The following VWA3B variants were observed in gnomAD, a reference collection of about 807,000 sequenced individuals.
VWA3B encodes the protein von Willebrand factor A domain containing 3B.
VWA3B carries 138 observed loss-of-function variants against 158.3 expected under a neutral mutation model. The observed-to-expected ratio is 0.87, with a 90% confidence interval of 0.76 to 1.00. The LOEUF (loss-of-function observed/expected upper bound fraction) is 1.00, where lower values mean the gene tolerates loss of function less well. Ranked by LOEUF, VWA3B falls within the 50% of genes least tolerant of loss-of-function variation. VWA3B has a pLI of 0.00. For synonymous variants in VWA3B, 596 were observed against 587.3 expected, an observed-to-expected ratio of 1.01 and a Z score of -0.21; for missense variants, 1,555 against 1,565.1, an observed-to-expected ratio of 0.99 and a Z score of 0.11.
chr2:98,181,569 C>T (rs1228127233), intron 9 of VWA3B, among the ~76,000 whole-genome samples: 1 of 152,168 alleles, frequency 6.6e-6, no homozygotes, highest in Non-Finnish European at 1.5e-5. Context: ...TGAGTATGCC[C>T]AGCGCAGCAG....
intron 1 of VWA3B, 118 bp downstream of exon 1, chr2:98,087,481 T>C (rs1681944814): frequency 6.6e-6 from 1 of 152,208 alleles, no homozygotes; most frequent in Admixed American, 6.5e-5. Context: ...ACGCCCACTT[T>C]ACAGATGCGG....
At chr2:98,234,851 T>G in intron 17 of VWA3B, 84 bp downstream of exon 17, 1 of 1,564,514 alleles carries the variant, frequency 6.4e-7, no homozygotes, top group Non-Finnish European at 8.7e-7. Context: ...GTAGATATGT[T>G]GGGGAAATCA....
intron 22 of VWA3B, among the ~76,000 whole-genome samples, chr2:98,284,865 C>G (rs1689073871): frequency 6.6e-6 from 1 of 152,062 alleles, no homozygotes; most frequent in African/African-American, 2.4e-5. Context: ...GGAAAATCCC[C>G]AGTTTCGGCA....
chr2:98,232,795 TG>T (rs140842669), intron 16 of VWA3B, among the ~76,000 whole-genome samples: 4,617 of 152,242 alleles, frequency 0.03, 101 homozygotes, highest in Middle Eastern at 0.068. Context: ...ATGGTGTTTC[TG>T]GGGCTCCTAC....
chr2:98,140,241 G>A (rs1161972016), intron 7 of VWA3B, among the ~76,000 whole-genome samples: 8 of 152,186 alleles, frequency 5.3e-5, no homozygotes, highest in East Asian at 1.9e-4. Context: ...CACCAATTCC[G>A]GACACAACCG....
At chr2:98,220,141 G>C (rs1252165045) in intron 14 of VWA3B, among the ~76,000 whole-genome samples, 1 of 147,798 alleles carries the variant, frequency 6.8e-6, no homozygotes, top group East Asian at 2.0e-4. Flanking sequence ...TCCAGCCTGG[G>C]TGACAGAGTG....
chr2:98,206,531 G>C, intron 12 of VWA3B: 1 of 500,960 alleles, frequency 2.0e-6, no homozygotes, highest in Non-Finnish European at 4.0e-6. Context: ...CCTGGATTCT[G>C]GTGCACCAAT....
intron 7 of VWA3B, among the ~76,000 whole-genome samples, chr2:98,149,204 G>A (rs1434959855): frequency 1.3e-5 from 2 of 152,188 alleles, no homozygotes; most frequent in Non-Finnish European, 1.5e-5. Context: ...GCTTTTTGGT[G>A]TATTAAAGCC....
At chr2:98,102,353 C>T (rs373989064) in intron 2 of VWA3B, among the ~76,000 whole-genome samples, 284 of 152,256 alleles carry the variant, frequency 1.9e-3, no homozygotes, top group Non-Finnish European at 3.2e-3. Flanking sequence ...AAACCGCCAT[C>T]GTCATCATGG....
intron 26 of VWA3B, among the ~76,000 whole-genome samples, chr2:98,304,286 A>C (rs910534379): frequency 6.6e-6 from 1 of 152,118 alleles, no homozygotes; most frequent in African/African-American, 2.4e-5. Flanking sequence ...TGTAAGGTAG[A>C]CTAAAGCCAA....
rs187682730 is a variant in VWA3B, at chr2:98,113,983, T to C, written c.197-1669T>C. 2.6e-3 allele frequency among the ~76,000 whole-genome samples: 392 copies of C among 152,336 alleles called. 1 individual carries two copies. The highest frequency in any genetic ancestry group is 9.1e-3 in the African/African-American group (378 of 41,568). ...CTGGACTCAAACTCCAAACTCTCTC[T>C]TTCCTGCTAAATACATACAAATAAC... is the stretch of plus-strand genomic sequence containing the variant. On this transcript the variant is annotated intron_variant, in intron 2 of 27. Transcript: ENST00000477737.
chr2:98,318,943 A>G, the VWA3B span, among the ~76,000 whole-genome samples: 1 of 152,236 alleles, frequency 6.6e-6, no homozygotes, highest in African/African-American at 2.4e-5. Context: ...GGCCCTGTGG[A>G]ACCCATGGAT....
At position 98,140,547 on chromosome 2, in the gene VWA3B, C is replaced by T. The variant is rs148327402; in HGVS notation, c.988+6608C>T. ...GGAGGTGGGTGTTCCGTTAAGGAGG[C>T]AGCACCTTCCCTCCCATACTTCTCT... On this transcript the variant is annotated intron_variant, in intron 7 of 27. Coordinates refer to ENST00000477737, the MANE Select transcript of VWA3B (RefSeq NM_144992.5). Among the ~76,000 whole-genome samples the T allele has an allele frequency of 1.2e-4, 19 of 152,326 alleles. No homozygotes were observed. The East Asian group carries it at 3.7e-3, about 30-fold the overall frequency.
At chr2:98,168,645 A>G (rs1249299642) in intron 8 of VWA3B, among the ~76,000 whole-genome samples, 2 of 152,194 alleles carry the variant, frequency 1.3e-5, no homozygotes, top group Non-Finnish European at 2.9e-5. Flanking sequence ...AAAAAGACAC[A>G]TACTGAACTT....
At chr2:98,169,673 G>T (rs1342393084) in intron 8 of VWA3B, among the ~76,000 whole-genome samples, 1 of 151,636 alleles carries the variant, frequency 6.6e-6, no homozygotes, top group Non-Finnish European at 1.5e-5. Context: ...CTCCTCTGGC[G>T]CTGAGCTGTT....
Position 98,217,907 on chromosome 2 carries a change from C to A in VWA3B, c.1898C>A (p.Ser633Tyr), listed in dbSNP as rs772771005. 16 of 1,613,116 alleles carry A rather than the reference C, an allele frequency of 9.9e-6. No individual in the cohort carries two copies. The highest frequency in any genetic ancestry group is 1.3e-5 in the Non-Finnish European group (15 of 1,179,566). The change falls in exon 14 of 28, where the codon TCC becomes TAC. Residue 633 changes from serine to tyrosine, a missense_variant. Physicochemically the swap from Ser to Tyr is moderately radical, Grantham distance 144 (BLOSUM62 -2). Transcript: ENST00000477737. ...CAGGAAATTCCTATTTATACCATCT[C>A]CTTCAATTACAATGATGAGATTGCA... ...RFQEIPIYTI[S>Y]FNYNDEIANR...
intron 11 of VWA3B, 88 bp from the exon 12 acceptor site, chr2:98,194,273 A>T: frequency 7.3e-7 from 1 of 1,370,420 alleles, no homozygotes. Flanking sequence ...AGAGACCATC[A>T]TGATTAAAAT....
At chr2:98,207,100 T>G (rs536504808) in intron 12 of VWA3B, 9 of 525,794 alleles carry the variant, frequency 1.7e-5, no homozygotes, top group African/African-American at 1.5e-4. Flanking sequence ...CTCAAGGGTG[T>G]CTGCCTTATT....
At chr2:98,271,384 C>A (rs1307321564) in intron 22 of VWA3B, among the ~76,000 whole-genome samples, 1 of 152,144 alleles carries the variant, frequency 6.6e-6, no homozygotes, top group Non-Finnish European at 1.5e-5. Flanking sequence ...ATAAGGCAAA[C>A]CTTCTAGAAA....
Sources: gnomAD v4.1 joint callset for allele counts (sites outside exome capture counted in the v4.1 genomes callset) on GRCh38, gnomAD v4.1.1 for gene constraint, MANE v1.5 for transcripts, NCBI Gene and HGNC (gene_info 2026-07-23, HGNC 2026-07-21) for gene names.